NOL11: variants seen among roughly 807,000 people sequenced by gnomAD.
NOL11 encodes nucleolar protein 11.
NOL11 carries 42 observed loss-of-function variants against 93.0 expected under a neutral mutation model. That is an observed-to-expected ratio of 0.45 (90% CI 0.35 to 0.58). NOL11 has a LOEUF of 0.58. Among genes scored for constraint, NOL11 ranks in the 20% least tolerant of loss-of-function variants. The pLI is 0.00. For missense variants in NOL11, 775 were observed against 841.8 expected (o/e 0.92, Z 0.98); for synonymous variants, 296 against 293.7 (o/e 1.01, Z -0.08).
chr17:67,733,973 G>C (rs1035907405), intron 7 of NOL11, among the ~76,000 whole-genome samples: 11 of 151,948 alleles, frequency 7.2e-5, no homozygotes, highest in African/African-American at 2.7e-4. Context: ...GTCTTTGTCC[G>C]GCTTTGGTAT....
In NOL11 at chr17:67,744,034, T is replaced by C; in HGVS notation, c.*175T>C. 1 of 389,440 alleles carries C rather than the reference T, an allele frequency of 2.6e-6. No individual in the cohort carries two copies. The highest frequency in any genetic ancestry group is 4.2e-5 in the East Asian group (1 of 23,748). The allele number at this position is 389,440 out of a possible 1,614,324, so 24.1% of individuals were successfully genotyped here. A position where few individuals can be genotyped will look rare whatever the true frequency, so the allele number is the denominator to read the frequency against. On this transcript the variant is annotated 3_prime_UTR_variant, in exon 18 of 18. Coordinates refer to ENST00000253247, the MANE Select transcript of NOL11 (RefSeq NM_015462.5). ...CCGGGGTAGGACTGCAGGTTTCACATGAACCTGTTCTAGGCTGTGGACATT... is the reference window on the plus strand; with the variant it reads ...CCGGGGTAGGACTGCAGGTTTCACACGAACCTGTTCTAGGCTGTGGACATT...
At chr17:67,734,292 C>A in intron 7 of NOL11, 71 bp from the exon 8 acceptor site, 1 of 830,098 alleles carries the variant, frequency 1.2e-6, no homozygotes, top group Non-Finnish European at 2.0e-6. Flanking sequence ...TTAACTGTAA[C>A]TCCCCCCTTC....
intron 6 of NOL11, 65 bp from the exon 7 acceptor site, chr17:67,726,395 C>T (rs2055093341): frequency 7.5e-7 from 1 of 1,328,800 alleles, no homozygotes; most frequent in Middle Eastern, 2.7e-4. Flanking sequence ...CAACCTAGTA[C>T]ATTTAACTGT....
intron 5 of NOL11, among the ~76,000 whole-genome samples, chr17:67,723,370 A>ATTTTTTTTTTTT (rs568396700): frequency 3.3e-5 from 2 of 60,704 alleles, no homozygotes; most frequent in African/African-American, 1.3e-4. Flanking sequence ...AAGATCTCTA[A>ATTTTTTTTTTTT]TTTTTTTTTT....
intron 11 of NOL11, 126 bp from the exon 12 acceptor site, chr17:67,737,382 G>A (rs2055211935): frequency 7.4e-6 from 6 of 805,512 alleles, no homozygotes; most frequent in Non-Finnish European, 1.2e-5. Context: ...TGCAGTGTCA[G>A]CTTCAGCTTT....
At chr17:67,728,192 AGAGCTTGCAGTGAGCT>A (rs1220781374) in intron 7 of NOL11, among the ~76,000 whole-genome samples, 2 of 152,080 alleles carry the variant, frequency 1.3e-5, no homozygotes, top group South Asian at 4.1e-4. Flanking sequence ...CCTGGGAGGC[AGAGCTTGCAGTGAGCT>A]GAGATCACAC....
Position 67,738,978 on chromosome 17 carries a change from C to T in NOL11, c.1810C>T (p.His604Tyr). 1.9e-6 allele frequency: 3 copies of T among 1,612,834 alleles called. No homozygotes were observed. The highest frequency in any genetic ancestry group is 2.5e-6 in the Non-Finnish European group (3 of 1,179,072). ...ATATAGCGAGACATTTCTTCTGCCT[C>T]ATTTGAAAGACATCCCAGCACAGCA... Reference protein sequence around the residue: ...SAYSETFLLPHLKDIPAQHIT... With the variant: ...SAYSETFLLPYLKDIPAQHIT... The change falls in exon 15 of 18, where the codon CAT becomes TAT. Residue 604 changes from histidine to tyrosine, a missense_variant. Physicochemically the swap from His to Tyr is moderately conservative, Grantham distance 83. This residue lies in a region of NOL11 where 416 missense variants were observed against 525.2 expected (regional missense o/e 0.79). Coordinates refer to ENST00000253247, the MANE Select transcript of NOL11 (RefSeq NM_015462.5).
intron 7 of NOL11, among the ~76,000 whole-genome samples, chr17:67,732,854 A>G (rs2055167143): frequency 6.6e-6 from 1 of 151,790 alleles, no homozygotes; most frequent in African/African-American, 2.4e-5. Flanking sequence ...GATTACAGGC[A>G]TGAGCCACCA....
Position 67,718,091 on chromosome 17 carries a change from G to T in NOL11, c.141+3G>T, listed in dbSNP as rs753977253. 1.2e-6 allele frequency: 2 copies of T among 1,613,606 alleles called. No individual in the cohort carries two copies. Among genetic ancestry groups the T allele is most frequent in the Non-Finnish European group, 1.7e-6 (2 of 1,179,694 alleles). ...GCAGGACAGTCATCCTCTATAAGGT[G>T]AAGGCAATAGGTTTGGGAGCGCCCC... On this transcript the variant is annotated splice_donor_region_variant and intron_variant, in intron 1 of 17. Transcript: ENST00000253247.
In NOL11 at chr17:67,738,192, G is replaced by A. The variant is rs1162101661; in HGVS notation, c.1600G>A (p.Val534Ile). Reference sequence around the variant, plus strand: ...AGTTTTTGACTATAGTATAAATTCTGTACATGATGAGAAAATGGAAGAGCA... The same window carrying A: ...AGTTTTTGACTATAGTATAAATTCTATACATGATGAGAAAATGGAAGAGCA... ...ESVFDYSINSVHDEKMEEQTE... is the reference protein window; with the variant it reads ...ESVFDYSINSIHDEKMEEQTE... The change falls in exon 14 of 18, where the codon GTA becomes ATA. Residue 534 changes from valine to isoleucine, a missense_variant. Physicochemically the swap from Val to Ile is conservative, Grantham distance 29. Coordinates refer to ENST00000253247, the MANE Select transcript of NOL11 (RefSeq NM_015462.5). The A allele has an allele frequency of 6.8e-6, 11 of 1,613,178 alleles. No individual in the cohort carries two copies. The highest frequency in any genetic ancestry group is 8.5e-6 in the Non-Finnish European group (10 of 1,179,644).
chr17:67,735,338 T>G (rs952308915), intron 8 of NOL11, among the ~76,000 whole-genome samples: 2 of 144,870 alleles, frequency 1.4e-5, no homozygotes, highest in Middle Eastern at 3.2e-3. Flanking sequence ...TTAATTATAC[T>G]TTATATGTAA....
chr17:67,736,020 C>A lies in NOL11; in HGVS notation c.1051C>A (p.Pro351Thr). The part of the protein sequence containing the change: ...ALGKLKHSQD[P>T]GTHVVSHFVN... ...TGGAAAACTCAAGCATAGTCAAGATCCAGGTAGAAACTTACTTCTGTTTGT... is the reference window on the plus strand; with the variant it reads ...TGGAAAACTCAAGCATAGTCAAGATACAGGTAGAAACTTACTTCTGTTTGT... The change falls in exon 9 of 18, where the codon CCA becomes ACA. Residue 351 changes from proline to threonine, a missense_variant. Pro to Thr is a conservative substitution (Grantham distance 38). Around this residue, in one of 2 missense-constraint regions of NOL11, gnomAD observed 416 missense variants for 525.2 expected, o/e 0.79. Transcript: ENST00000253247. 1 of 1,602,624 alleles carries A rather than the reference C, an allele frequency of 6.2e-7. No homozygotes were observed. Among genetic ancestry groups the A allele is most frequent in the Non-Finnish European group, 8.5e-7 (1 of 1,175,378 alleles).
At chr17:67,719,626 T>C (rs1255080380) in intron 1 of NOL11, 48 bp from the exon 2 acceptor site, 1 of 943,518 alleles carries the variant, frequency 1.1e-6, no homozygotes, top group African/African-American at 1.7e-5. Flanking sequence ...TTGCTTTTAA[T>C]GTTTGAAGTT....
rs764745161 is a variant in NOL11, at chr17:67,738,303, G to A, written c.1711G>A (p.Glu571Lys). 3.3e-5 allele frequency: 53 copies of A among 1,613,872 alleles called. No homozygotes were observed. The highest frequency in any genetic ancestry group is 5.5e-5 in the South Asian group (5 of 91,086). ...AGAGTTAAATAAAAAGCCCCAGGACGAAACAAAGGAGAGCACTTCATGCCC... is the reference window on the plus strand; with the variant it reads ...AGAGTTAAATAAAAAGCCCCAGGACAAAACAAAGGAGAGCACTTCATGCCC... ...DQELNKKPQD[E>K]TKESTSCPVV... is the part of the protein sequence containing the mutation. Residue 571 changes from glutamate (E) to lysine (K), a missense_variant, in exon 14 of 18, where the codon GAA (glutamate) becomes AAA (lysine). Glu to Lys is a moderately conservative substitution (Grantham distance 56, BLOSUM62 1). Coordinates refer to ENST00000253247, the MANE Select transcript of NOL11 (RefSeq NM_015462.5).
rs1394417359 is a variant in NOL11, at chr17:67,721,491, A to T, written c.426A>T (p.Lys142Asn). ...LEALLADPQQKIETVISDEEV... is the reference protein window; with the variant it reads ...LEALLADPQQNIETVISDEEV... ...CCTTGCTTGCAGACCCCCAGCAGAA[A>T]ATTGAAACTGTTATCTCTGATGAAG... is the stretch of plus-strand genomic sequence containing the variant. Residue 142 changes from lysine to asparagine, a missense_variant, in exon 4 of 18, where the codon AAA (lysine) becomes AAT (asparagine). Lys to Asn is a moderately conservative substitution (Grantham distance 94). This residue lies in a region of NOL11 where 359 missense variants were observed against 316.5 expected (regional missense o/e 1.13). Coordinates refer to ENST00000253247, the MANE Select transcript of NOL11 (RefSeq NM_015462.5). 2 of 1,613,848 alleles carry T rather than the reference A, an allele frequency of 1.2e-6. No individual in the cohort carries two copies. The highest frequency in any genetic ancestry group is 2.7e-5 in the African/African-American group (2 of 74,932).
chr17:67,723,847 A>G lies in NOL11; in HGVS notation c.520-202A>G, dbSNP rs532602529. The stretch of plus-strand genomic sequence containing the variant: ...CTTGAGCCTGGGAGGTGGAGGTTGC[A>G]ATGAGCTGAGATCACACCACGGTAG... On this transcript the variant is annotated intron_variant, in intron 5 of 17. Transcript: ENST00000253247. Among the ~76,000 whole-genome samples the G allele has an allele frequency of 8.5e-5, 13 of 152,198 alleles. No homozygotes were observed. In the East Asian group the frequency reaches 2.5e-3, roughly 29 times the overall value.
Position 67,739,678 on chromosome 17 carries a change from G to A in NOL11, c.1935+70G>A, listed in dbSNP as rs891177416. ...TGAAAAAAAGTTGTATTCAAGGTCA[G>A]CACCTGCATTCAAGAGCTGACTTCT... On this transcript the variant is annotated intron_variant, in intron 16 of 17. Coordinates refer to ENST00000253247, the MANE Select transcript of NOL11 (RefSeq NM_015462.5). The A allele has an allele frequency of 1.3e-5, 12 of 943,208 alleles. No homozygotes were observed. The Admixed American group carries it at 2.6e-4, about 21-fold the overall frequency. The allele number at this position is 943,208 out of a possible 1,614,324, so 58.4% of individuals were successfully genotyped here.
rs1042725092 is a variant in NOL11 at position 67,728,153 on chromosome 17, G to A, written c.853+1505G>A. On this transcript the variant is annotated intron_variant, in intron 7 of 17. Coordinates refer to ENST00000253247, the MANE Select transcript of NOL11 (RefSeq NM_015462.5). ...TGGGCACCTGCAGTCCCAGCTACTC[G>A]GGAGGCTGAGGCAGGAGAATGGCGT... 6.6e-5 allele frequency among the ~76,000 whole-genome samples: 10 copies of A among 152,088 alleles called. No individual in the cohort carries two copies. The East Asian group carries it at 1.5e-3, about 24-fold the overall frequency.
chr17:67,719,619 C>T, intron 1 of NOL11, 55 bp from the exon 2 acceptor site: 1 of 910,708 alleles, frequency 1.1e-6, no homozygotes, highest in South Asian at 1.5e-5. Context: ...AACTTAATTG[C>T]TTTTAATGTT....
Sources: gnomAD v4.1 joint callset for allele counts (sites outside exome capture counted in the v4.1 genomes callset) on GRCh38, gnomAD v4.1.1 for gene constraint, gnomAD v4.1.1 regional missense constraint, MANE v1.5 for transcripts, NCBI Gene and HGNC (gene_info 2026-07-23, HGNC 2026-07-21) for gene names.